LRRC37B: variants seen among roughly 807,000 people sequenced by gnomAD.
The protein encoded by LRRC37B is leucine rich repeat containing 37B.
In LRRC37B, 28 loss-of-function variants were observed where a neutral mutation model predicts 98.3. The ratio of observed to expected loss-of-function variants is 0.28; its 90% CI spans 0.21 to 0.39. LRRC37B has a LOEUF of 0.39. Ranked by LOEUF, LRRC37B falls within the 10% of genes least tolerant of loss-of-function variation. The pLI is 1.00. For synonymous variants in LRRC37B, 364 were observed against 442.7 expected, an observed-to-expected ratio of 0.82 and a Z score of 2.23; for missense variants, 938 against 1,182.7, an observed-to-expected ratio of 0.79 and a Z score of 3.03.
intron 1 of LRRC37B, among the ~76,000 whole-genome samples, chr17:32,011,021 G>C (rs1403142150): frequency 6.7e-6 from 1 of 149,628 alleles, no homozygotes; most frequent in African/African-American, 2.5e-5. Context: ...TTTTGAGATG[G>C]AGTCTTGCTC....
At chr17:32,036,960 G>C (rs1174739903) in intron 7 of LRRC37B, among the ~76,000 whole-genome samples, 1 of 111,620 alleles carries the variant, frequency 9.0e-6, no homozygotes, top group Non-Finnish European at 1.8e-5. Flanking sequence ...AGTCACAGTT[G>C]TTCCACATCT....
exon 1 of LRRC37B, chr17:32,021,272 G>C: frequency 1.2e-6 from 2 of 1,613,140 alleles, no homozygotes; most frequent in Non-Finnish European, 1.7e-6. Flanking sequence ...CTAACCCCCT[G>C]GGGCCACCTG....
intron 7 of LRRC37B, chr17:32,041,650 G>A (rs924946679): frequency 1.1e-5 from 5 of 460,502 alleles, no homozygotes; most frequent in East Asian, 6.6e-5. Context: ...ACCCAGGCCC[G>A]GGCCCTTGAG....
chr17:32,018,543 A>AG (rs1197959447), upstream of LRRC37B, among the ~76,000 whole-genome samples: 2 of 152,096 alleles, frequency 1.3e-5, no homozygotes, highest in African/African-American at 4.8e-5. Context: ...AGCAAAACTG[A>AG]GGACTGTATT....
chr17:32,019,087 C>T (rs562650641), upstream of LRRC37B, among the ~76,000 whole-genome samples: 10 of 152,254 alleles, frequency 6.6e-5, no homozygotes, highest in East Asian at 1.2e-3. Flanking sequence ...CCACCATACT[C>T]AGCTGATTTT....
upstream of LRRC37B, among the ~76,000 whole-genome samples, chr17:32,019,861 AT>A (rs1910723193): frequency 1.3e-5 from 2 of 152,000 alleles, no homozygotes; most frequent in African/African-American, 4.8e-5. Context: ...ATTTTATTTT[AT>A]TTTTTTGAGA....
chr17:32,017,110 C>T (rs368318708), upstream of LRRC37B: 1 of 152,244 alleles, frequency 6.6e-6, no homozygotes, highest in Non-Finnish European at 1.5e-5. Context: ...CCCTTGCACA[C>T]ACTGAAAACT....
At position 32,021,390 on chromosome 17, in the gene LRRC37B, C is replaced by A; in HGVS notation, c.325C>A (p.Gln109Lys). The change falls in exon 1 of 12, where the codon CAG becomes AAG. Residue 109 changes from glutamine to lysine, a missense_variant. This residue lies in a region of LRRC37B where 610 missense variants were observed against 625.6 expected (regional missense o/e 0.98). Transcript: ENST00000327564. ...TTACCTGGGGCCCTCTGCTTCTTCG[C>A]AGATGTCAGCCCTGCCTCAGGAACC... 1 of 1,613,814 alleles carries A rather than the reference C, an allele frequency of 6.2e-7. No homozygotes were observed. Among genetic ancestry groups the A allele is most frequent in the Non-Finnish European group, 8.5e-7 (1 of 1,179,848 alleles).
At position 32,027,431 on chromosome 17, in the gene LRRC37B, C is replaced by CTGTG. The variant is rs538155916; in HGVS notation, c.1833-329_1833-326dup. 1.2e-4 allele frequency among the ~76,000 whole-genome samples: 13 copies of CTGTG among 105,688 alleles called. No individual in the cohort carries two copies. The South Asian group carries it at 3.4e-3, about 27-fold the overall frequency. 69.3% of individuals were successfully genotyped at this position (105,688 alleles called of 152,430 possible). A position where few individuals can be genotyped will look rare whatever the true frequency, so the allele number is the denominator to read the frequency against. ...CTTGCAAGTGTGTGTGCGTGCTTGC[C>CTGTG]TGTGTGTGTGTGCTTGCCTGTGTGT... is the stretch of plus-strand genomic sequence containing the variant. On this transcript the variant is annotated intron_variant, in intron 2 of 11. Transcript: ENST00000327564.
intron 1 of LRRC37B, among the ~76,000 whole-genome samples, chr17:32,009,080 C>G (rs1396723120): frequency 6.6e-6 from 1 of 152,016 alleles, no homozygotes; most frequent in Non-Finnish European, 1.5e-5. Flanking sequence ...TGCCCTGTAT[C>G]CTCCCTAGCA....
intron 1 of LRRC37B, among the ~76,000 whole-genome samples, chr17:32,012,912 G>A (rs1910567250): frequency 6.6e-6 from 1 of 152,150 alleles, no homozygotes; most frequent in Non-Finnish European, 1.5e-5. Flanking sequence ...AACTACTTGG[G>A]AGGCTGAGGC....
rs577821182 is a variant in LRRC37B, at chr17:32,009,011, T to G, written c.-191+879T>G. On this transcript the variant is annotated intron_variant, in intron 1 of 14. Transcript: ENST00000543378. ...ATTTATAAGAAACTGCCAAAACTGT[T>G]TTCCAAAGTAGCTGTACCATTTTTC... 2.6e-4 allele frequency among the ~76,000 whole-genome samples: 39 copies of G among 152,330 alleles called. No homozygotes were observed. The South Asian group carries it at 8.1e-3, about 32-fold the overall frequency.
upstream of LRRC37B, among the ~76,000 whole-genome samples, chr17:32,019,822 T>C (rs577392761): frequency 1.9e-3 from 291 of 152,330 alleles, 1 homozygote; most frequent in Non-Finnish European, 2.7e-3. Flanking sequence ...GATCCATCCC[T>C]AAATGAGGCG....
At chr17:32,021,085 G>A in exon 1 of LRRC37B, 1 of 1,613,726 alleles carries the variant, frequency 6.2e-7, no homozygotes. Flanking sequence ...GCTTATAAGG[G>A]GCATGAGCAT....
intron 11 of LRRC37B, chr17:32,052,879 C>A: frequency 6.1e-6 from 1 of 163,650 alleles, no homozygotes; most frequent in African/African-American, 2.4e-5. Context: ...CAGGAGGTTG[C>A]GGCTGCTGTG....
chr17:32,015,090 A>G (rs985170946), intron 1 of LRRC37B, among the ~76,000 whole-genome samples: 3 of 152,194 alleles, frequency 2.0e-5, no homozygotes, highest in African/African-American at 7.2e-5. Flanking sequence ...AGATTGCACC[A>G]CTGCACTCCA....
upstream of LRRC37B, among the ~76,000 whole-genome samples, chr17:32,016,032 G>A (rs1910642739): frequency 6.6e-6 from 1 of 152,154 alleles, no homozygotes; most frequent in Admixed American, 6.5e-5. Context: ...TTAAAAATAT[G>A]AGAAATTAAT....
At chr17:32,025,030 G>GTGT (rs1555535201) in intron 2 of LRRC37B, among the ~76,000 whole-genome samples, 8 of 69,918 alleles carry the variant, frequency 1.1e-4, no homozygotes, top group African/African-American at 4.3e-4. Flanking sequence ...TTTTTTCCTC[G>GTGT]TTTTTTTTTT....
At chr17:32,016,340 GACAAATTTTGGTCT>G (rs1910647889), upstream of LRRC37B, among the ~76,000 whole-genome samples, 1 of 152,196 alleles carries the variant, frequency 6.6e-6, no homozygotes, top group Non-Finnish European at 1.5e-5. Flanking sequence ...GAAATTCATT[GACAAATTTTGGTCT>G]TTGGTTCTCC....
Sources: allele counts gnomAD v4.1 joint callset (sites outside exome capture counted in the v4.1 genomes callset), GRCh38; gene constraint gnomAD v4.1.1; regional missense constraint gnomAD v4.1.1; transcripts MANE v1.5; gene names NCBI Gene and HGNC (gene_info 2026-07-23, HGNC 2026-07-21).